The following RGCC variants were observed in gnomAD, a reference collection of about 807,000 sequenced individuals.
The protein encoded by RGCC is regulator of cell cycle.
A neutral mutation model predicts 15.4 loss-of-function variants in RGCC; 15 were observed. The observed-to-expected ratio is 0.97, with a 90% confidence interval of 0.65 to 1.50. The LOEUF is 1.50. RGCC is among the 40% of genes most tolerant of loss of function. The pLI, the probability that RGCC is intolerant of heterozygous loss-of-function variation, is 0.00. For missense variants in RGCC, 176 were observed against 189.7 expected (o/e 0.93, Z 0.42); for synonymous variants, 81 against 78.0 (o/e 1.04, Z -0.20).
intron 2 of RGCC, among the ~76,000 whole-genome samples, chr13:41,466,288 AACAC>A (rs374828713): frequency 2.8e-5 from 4 of 143,128 alleles, no homozygotes; most frequent in African/African-American, 7.9e-5. Flanking sequence ...CTTTCACACA[AACAC>A]ACACACACAC....
chr13:41,461,344 G>A (rs1257563199), intron 2 of RGCC, among the ~76,000 whole-genome samples: 3 of 152,196 alleles, frequency 2.0e-5, no homozygotes, highest in African/African-American at 4.8e-5. Flanking sequence ...ATCCTCAGAG[G>A]TGCTTTAGAA....
chr13:41,468,453 C>T (rs2043858724), intron 3 of RGCC, among the ~76,000 whole-genome samples: 1 of 152,202 alleles, frequency 6.6e-6, no homozygotes, highest in African/African-American at 2.4e-5. Context: ...AGGAAGATTC[C>T]TCTTCTAGGT....
At chr13:41,463,586 G>A (rs1370007470) in intron 2 of RGCC, among the ~76,000 whole-genome samples, 3 of 151,976 alleles carry the variant, frequency 2.0e-5, no homozygotes, top group African/African-American at 7.3e-5. Context: ...TATATAAATA[G>A]ATATTGTAAC....
At position 41,457,895 on chromosome 13, in the gene RGCC, C is replaced by A; in HGVS notation, c.49+139C>A. 3.9e-6 allele frequency: 5 copies of A among 1,267,050 alleles called. No individual in the cohort carries two copies. Among genetic ancestry groups the A allele is most frequent in the African/African-American group, 1.6e-5 (1 of 63,428 alleles). 78.5% of individuals were successfully genotyped at this position (1,267,050 alleles called of 1,614,324 possible). On this transcript the variant is annotated intron_variant, in intron 1 of 4. Transcript: ENST00000379359. The surrounding 1 kb of genome is among the most constrained non-coding windows in gnomAD (Gnocchi z 4.9). ...GGAACCTGTCCCCGGTCTTCCCGCGCGGGCGGCTGCAGCCTCCTTTCCGGC... is the reference window on the plus strand; with the variant it reads ...GGAACCTGTCCCCGGTCTTCCCGCGAGGGCGGCTGCAGCCTCCTTTCCGGC...
In RGCC at chr13:41,458,300, C is replaced by G; in HGVS notation, c.65C>G (p.Ser22Trp). 6.3e-7 allele frequency: 1 copy of G among 1,577,104 alleles called. No homozygotes were observed. Among genetic ancestry groups the G allele is most frequent in the East Asian group, 2.3e-5 (1 of 43,774 alleles). ...AAAAAAPALD[S>W]AAAEDLSDAL... is the part of the protein sequence containing the mutation. ...CTGCCCGCAGCCCCGGCCCTGGACT[C>G]GGCGGCCGCGGAGGACCTGTCGGAC... is the stretch of plus-strand genomic sequence containing the variant. The change falls in exon 2 of 5, where the codon TCG becomes TGG. Residue 22 changes from serine to tryptophan, a missense_variant. Coordinates refer to ENST00000379359, the MANE Select transcript of RGCC (RefSeq NM_014059.3). This position sits in a 1 kb window ranked among gnomAD's most constrained non-coding sequence, Gnocchi z 4.4.
At chr13:41,461,240 T>G (rs2043819782) in intron 2 of RGCC, among the ~76,000 whole-genome samples, 1 of 152,058 alleles carries the variant, frequency 6.6e-6, no homozygotes, top group Non-Finnish European at 1.5e-5. Flanking sequence ...GATTCCAACA[T>G]GTAAAAAAAT....
chr13:41,458,528 C>G lies in RGCC; in HGVS notation c.235+58C>G. On this transcript the variant is annotated intron_variant, in intron 2 of 4. Coordinates refer to ENST00000379359, the MANE Select transcript of RGCC (RefSeq NM_014059.3). This position sits in a 1 kb window ranked among gnomAD's most constrained non-coding sequence, Gnocchi z 4.4. ...ATCTCCCAGCTCCCAGGACCTGCCC[C>G]GCGAAGGCTGCGGCCTCAGTTTTCT... 2 of 1,502,176 alleles carry G rather than the reference C, an allele frequency of 1.3e-6. No individual in the cohort carries two copies. Among genetic ancestry groups the G allele is most frequent in the South Asian group, 1.2e-5 (1 of 82,364 alleles). The allele number at this position is 1,502,176 out of a possible 1,614,324, so 93.1% of individuals were successfully genotyped here.
At position 41,457,829 on chromosome 13, in the gene RGCC, G is replaced by C. The variant is rs759040993; in HGVS notation, c.49+73G>C. 7.4e-7 allele frequency: 1 copy of C among 1,349,660 alleles called. No individual in the cohort carries two copies. Among genetic ancestry groups the C allele is most frequent in the African/African-American group, 1.5e-5 (1 of 64,852 alleles). The allele number at this position is 1,349,660 out of a possible 1,614,324, so 83.6% of individuals were successfully genotyped here. Reference sequence around the variant, plus strand: ...GCGGGTGAGAAAGGAGGGGCCCCGTGTCGTCCCTTCACACCCCCCACCCTT... The same window carrying C: ...GCGGGTGAGAAAGGAGGGGCCCCGTCTCGTCCCTTCACACCCCCCACCCTT... On this transcript the variant is annotated intron_variant, in intron 1 of 4. Coordinates refer to ENST00000379359, the MANE Select transcript of RGCC (RefSeq NM_014059.3). The surrounding 1 kb of genome is among the most constrained non-coding windows in gnomAD (Gnocchi z 4.9).
In RGCC at chr13:41,457,874, C is replaced by G; in HGVS notation, c.49+118C>G. On this transcript the variant is annotated intron_variant, in intron 1 of 4. Coordinates refer to ENST00000379359, the MANE Select transcript of RGCC (RefSeq NM_014059.3). This position sits in a 1 kb window ranked among gnomAD's most constrained non-coding sequence, Gnocchi z 4.9. ...ACCCTTCCATCCTCCCCGGCGGGAACCTGTCCCCGGTCTTCCCGCGCGGGC... is the reference window on the plus strand; with the variant it reads ...ACCCTTCCATCCTCCCCGGCGGGAAGCTGTCCCCGGTCTTCCCGCGCGGGC... 7.6e-7 allele frequency: 1 copy of G among 1,316,746 alleles called. No homozygotes were observed. Among genetic ancestry groups the G allele is most frequent in the Non-Finnish European group, 9.8e-7 (1 of 1,024,314 alleles). 81.6% of individuals were successfully genotyped at this position (1,316,746 alleles called of 1,614,324 possible).
chr13:41,464,719 C>G (rs1189477895), intron 2 of RGCC, among the ~76,000 whole-genome samples: 5 of 152,188 alleles, frequency 3.3e-5, no homozygotes, highest in Admixed American at 6.5e-5. Context: ...GACCAGCACT[C>G]TGAGGAATGT....
chr13:41,466,743 G>A (rs1444009420), intron 2 of RGCC, 80 bp from the exon 3 acceptor site: 2 of 975,426 alleles, frequency 2.1e-6, no homozygotes, highest in Non-Finnish European at 3.2e-6. Flanking sequence ...ACAAATTGTT[G>A]GTTATCAATA....
intron 2 of RGCC, among the ~76,000 whole-genome samples, chr13:41,463,718 C>A (rs1484935473): frequency 6.6e-6 from 1 of 152,156 alleles, no homozygotes; most frequent in Non-Finnish European, 1.5e-5. Flanking sequence ...CCTAAAGGAT[C>A]AGAGGACAGT....
intron 4 of RGCC, among the ~76,000 whole-genome samples, chr13:41,469,289 T>TAAGAAGAAGAAGAAGAAGAAGAAG (rs769260478): frequency 2.0e-5 from 2 of 101,130 alleles, no homozygotes; most frequent in Admixed American, 1.0e-4. Flanking sequence ...ATAATAATAA[T>TAAGAAGAAGAAGAAGAAGAAGAAG]AATAATAAGA....
At position 41,457,857 on chromosome 13, in the gene RGCC, A is replaced by G. The variant is rs1039175126; in HGVS notation, c.49+101A>G. 18 of 1,323,666 alleles carry G rather than the reference A, an allele frequency of 1.4e-5. No homozygotes were observed. The highest frequency in any genetic ancestry group is 1.7e-5 in the Non-Finnish European group (18 of 1,031,906). The allele number at this position is 1,323,666 out of a possible 1,614,324, so 82.0% of individuals were successfully genotyped here. Reference sequence around the variant, plus strand: ...GTCCCTTCACACCCCCCACCCTTCCATCCTCCCCGGCGGGAACCTGTCCCC... The same window carrying G: ...GTCCCTTCACACCCCCCACCCTTCCGTCCTCCCCGGCGGGAACCTGTCCCC... On this transcript the variant is annotated intron_variant, in intron 1 of 4. Coordinates refer to ENST00000379359, the MANE Select transcript of RGCC (RefSeq NM_014059.3). This position sits in a 1 kb window ranked among gnomAD's most constrained non-coding sequence, Gnocchi z 4.9.
intron 2 of RGCC, among the ~76,000 whole-genome samples, chr13:41,461,874 A>T (rs534580149): frequency 6.6e-6 from 1 of 152,248 alleles, no homozygotes; most frequent in Admixed American, 6.5e-5. Context: ...AATAAGGCCA[A>T]TGAGGAGCCT....
At chr13:41,469,011 G>A (rs2043861601) in intron 4 of RGCC, among the ~76,000 whole-genome samples, 173 bp downstream of exon 4, 1 of 152,152 alleles carries the variant, frequency 6.6e-6, no homozygotes, top group African/African-American at 2.4e-5. Flanking sequence ...TGTAATCCCA[G>A]CACTTTGGAA....
At chr13:41,461,649 A>G (rs2043821586) in intron 2 of RGCC, among the ~76,000 whole-genome samples, 1 of 152,186 alleles carries the variant, frequency 6.6e-6, no homozygotes, top group Admixed American at 6.5e-5. Context: ...TGTGTATGCT[A>G]GGGTTATTAT....
At chr13:41,468,642 G>A (rs1230013950) in intron 3 of RGCC, 134 bp from the exon 4 acceptor site, 3 of 700,458 alleles carry the variant, frequency 4.3e-6, no homozygotes, top group Non-Finnish European at 7.4e-6. Flanking sequence ...GGAGGTAGAT[G>A]TAAAATAGAA....
chr13:41,465,310 C>T (rs1316069648), intron 2 of RGCC, among the ~76,000 whole-genome samples: 4 of 152,130 alleles, frequency 2.6e-5, no homozygotes, highest in Admixed American at 1.3e-4. Flanking sequence ...AAGGCTGTTC[C>T]CCGTGACCTC....
Sources: gnomAD v4.1 joint callset for allele counts (sites outside exome capture counted in the v4.1 genomes callset) on GRCh38, gnomAD v4.1.1 for gene constraint, Gnocchi (gnomAD v3.1) non-coding constraint, MANE v1.5 for transcripts, NCBI Gene and HGNC (gene_info 2026-07-23, HGNC 2026-07-21) for gene names.